Variants in CAB39L observed in about 807,000 individuals in gnomAD.
CAB39L encodes calcium-binding protein 39-like.
In CAB39L, 23 loss-of-function variants were observed where a neutral mutation model predicts 39.1. The observed-to-expected ratio is 0.59, with a 90% CI of 0.42 to 0.83. The LOEUF (loss-of-function observed/expected upper bound fraction) is 0.83, where lower values mean the gene tolerates loss of function less well. CAB39L is among the 40% of genes least tolerant of loss of function. The pLI is 0.00. For synonymous variants in CAB39L, 126 were observed against 137.2 expected (o/e 0.92, Z 0.57); for missense variants, 366 against 391.9 (o/e 0.93, Z 0.56).
At chr13:49,329,547 ATATATATAT>A (rs1954619163) in intron 10 of CAB39L, among the ~76,000 whole-genome samples, 1,262 of 33,042 alleles carry the variant, frequency 0.038, 122 homozygotes, top group East Asian at 0.1. Flanking sequence ...AAAAAAAAAT[ATATATATAT>A]ATATATATAT....
intron 3 of CAB39L, among the ~76,000 whole-genome samples, chr13:49,427,374 A>G (rs1957260311): frequency 6.6e-6 from 1 of 152,112 alleles, no homozygotes; most frequent in South Asian, 2.1e-4. Flanking sequence ...TTCCAAAGCC[A>G]TGCCCACTTA....
At chr13:49,349,139 C>T (rs376666966) in intron 7 of CAB39L, among the ~76,000 whole-genome samples, 5 of 152,132 alleles carry the variant, frequency 3.3e-5, no homozygotes, top group Admixed American at 1.3e-4. Context: ...CCACTGCTTT[C>T]CCCTTTTTCC....
At chr13:49,442,254 T>C (rs1957536853) in intron 1 of CAB39L, among the ~76,000 whole-genome samples, 1 of 152,202 alleles carries the variant, frequency 6.6e-6, no homozygotes, top group Non-Finnish European at 1.5e-5. Context: ...AAAAATATAA[T>C]GATGGGATGT....
chr13:49,385,958 C>G (rs191764567), intron 3 of CAB39L, among the ~76,000 whole-genome samples: 1 of 152,038 alleles, frequency 6.6e-6, no homozygotes, highest in Non-Finnish European at 1.5e-5. Flanking sequence ...AAAATGGCAC[C>G]AATAGACTTC....
intron 5 of CAB39L, among the ~76,000 whole-genome samples, chr13:49,371,189 C>CTT (rs386379129): frequency 0.29 from 29,224 of 101,966 alleles, 3,650 homozygotes; most frequent in Middle Eastern, 0.39. Flanking sequence ...CTTTTTCTTT[C>CTT]TTTTTTTTTT....
At chr13:49,406,169 C>CTTT (rs1215587782) in intron 3 of CAB39L, among the ~76,000 whole-genome samples, 14 of 134,436 alleles carry the variant, frequency 1.0e-4, no homozygotes, top group East Asian at 6.4e-4. Context: ...TTGGAATGCT[C>CTTT]TTTTTTTTTT....
intron 10 of CAB39L, among the ~76,000 whole-genome samples, chr13:49,311,932 C>T (rs1396135913): frequency 6.6e-6 from 1 of 152,150 alleles, no homozygotes; most frequent in Non-Finnish European, 1.5e-5. Flanking sequence ...CTCGCTCTGT[C>T]ACCCAGGCTG....
chr13:49,387,934 T>C (rs1956400201), intron 3 of CAB39L, among the ~76,000 whole-genome samples: 2 of 152,208 alleles, frequency 1.3e-5, no homozygotes, highest in Admixed American at 1.3e-4. Context: ...AGTGTGCATG[T>C]ATTCATTCGA....
chr13:49,370,047 G>A (rs759650436), intron 5 of CAB39L, among the ~76,000 whole-genome samples: 1 of 152,242 alleles, frequency 6.6e-6, no homozygotes, highest in East Asian at 1.9e-4. Flanking sequence ...CTGGTGTGTT[G>A]CGGGGGAGTT....
rs557319152 is a variant in CAB39L, at chr13:49,405,209, A to C, written c.-31-22268T>G. ...AAAAGAAAAGAATAACATATAAAGG[A>C]GCCCCAACACATCTGGCAACAGATT... On this transcript the variant is annotated intron_variant, in intron 3 of 10. Transcript: ENST00000409308. 1.8e-3 allele frequency among the ~76,000 whole-genome samples: 269 copies of C among 152,310 alleles called. 1 individual carries two copies. Among genetic ancestry groups the C allele is most frequent in the Non-Finnish European group, 2.4e-3 (165 of 68,026 alleles).
intron 3 of CAB39L, among the ~76,000 whole-genome samples, chr13:49,408,972 A>G (rs147779837): frequency 2.2e-4 from 33 of 152,352 alleles, no homozygotes; most frequent in African/African-American, 7.7e-4. Flanking sequence ...CTAACCCTGT[A>G]GTCTAATTTC....
chr13:49,423,201 G>A (rs983622401), intron 3 of CAB39L, among the ~76,000 whole-genome samples: 3 of 152,266 alleles, frequency 2.0e-5, no homozygotes, highest in African/African-American at 7.2e-5. Context: ...GGTCCTTTCC[G>A]CAGAATTTCA....
At chr13:49,370,111 G>T (rs1955877211) in intron 5 of CAB39L, among the ~76,000 whole-genome samples, 1 of 152,012 alleles carries the variant, frequency 6.6e-6, no homozygotes, top group Non-Finnish European at 1.5e-5. Context: ...AAGTGGATAG[G>T]CAGAACAGTC....
rs368858844 is a variant in CAB39L at position 49,333,572 on chromosome 13, T to C, written c.691-1482A>G. Among the ~76,000 whole-genome samples, 577 of 113,998 alleles carry C rather than the reference T, an allele frequency of 5.1e-3. 2 individuals are homozygous for C. Among genetic ancestry groups the C allele is most frequent in the African/African-American group, 0.012 (409 of 33,776 alleles). The allele number at this position is 113,998 out of a possible 152,430, so 74.8% of individuals were successfully genotyped here. ...CCCACATTTCTTTCTTTCTTTCTTT[T>C]TTTTTTTTTTTTTTTTTGAGACAGA... On this transcript the variant is annotated intron_variant, in intron 9 of 10. Coordinates refer to ENST00000409308, the MANE Select transcript of CAB39L (RefSeq NM_001079670.3).
intron 10 of CAB39L, among the ~76,000 whole-genome samples, chr13:49,314,489 G>A (rs1196051515): frequency 2.0e-5 from 3 of 152,140 alleles, no homozygotes; most frequent in Non-Finnish European, 2.9e-5. Context: ...CTGTACACAC[G>A]ACCGTGGGCA....
At chr13:49,436,817 AC>A (rs1957426164) in intron 1 of CAB39L, among the ~76,000 whole-genome samples, 1 of 152,098 alleles carries the variant, frequency 6.6e-6, no homozygotes, top group Non-Finnish European at 1.5e-5. Context: ...TTTTATCTCT[AC>A]AAATGTTAGT....
rs74072520 is a variant in CAB39L, at chr13:49,354,085, T to G, written c.396-3173A>C. 3.3e-3 allele frequency among the ~76,000 whole-genome samples: 507 copies of G among 152,294 alleles called. 3 individuals are homozygous for G. Among genetic ancestry groups the G allele is most frequent in the African/African-American group, 0.011 (477 of 41,562 alleles). ...AAGACCATCTATAAAAAGTTTCCAC[T>G]CTAACTTTTGGGTATAATTAGTTCT... On this transcript the variant is annotated intron_variant, in intron 6 of 10. Coordinates refer to ENST00000409308, the MANE Select transcript of CAB39L (RefSeq NM_001079670.3).
At chr13:49,391,726 T>C (rs1485958884) in intron 3 of CAB39L, among the ~76,000 whole-genome samples, 1 of 152,038 alleles carries the variant, frequency 6.6e-6, no homozygotes, top group South Asian at 2.1e-4. Flanking sequence ...AATATTAGAA[T>C]AATGGAAGTA....
chr13:49,418,227 C>CTGA (rs1384174269), intron 3 of CAB39L, among the ~76,000 whole-genome samples: 2 of 152,088 alleles, frequency 1.3e-5, no homozygotes, highest in Non-Finnish European at 2.9e-5. Flanking sequence ...GAATGAAGTC[C>CTGA]TGATACATAA....
Sources: gnomAD v4.1 joint callset for allele counts (sites outside exome capture counted in the v4.1 genomes callset) on GRCh38, gnomAD v4.1.1 for gene constraint, MANE v1.5 for transcripts, NCBI Gene and HGNC (gene_info 2026-07-23, HGNC 2026-07-21) for gene names.